PDSS2: variants seen among roughly 807,000 people sequenced by gnomAD.
The protein encoded by PDSS2 is all trans-polyprenyl-diphosphate synthase PDSS2.
A neutral mutation model predicts 44.5 loss-of-function variants in PDSS2; 31 were observed. That is an observed-to-expected ratio of 0.70 (90% CI 0.52 to 0.94). PDSS2 has a LOEUF of 0.94. Ranked by LOEUF, PDSS2 falls within the 40% of genes least tolerant of loss-of-function variation. The pLI is 0.00. For missense variants in PDSS2, 452 were observed against 482.2 expected (o/e 0.94, Z 0.59); for synonymous variants, 157 against 180.3 (o/e 0.87, Z 1.03).
intron 2 of PDSS2, among the ~76,000 whole-genome samples, chr6:107,329,414 AC>A (rs972381339): frequency 2.6e-5 from 4 of 151,272 alleles, no homozygotes; most frequent in African/African-American, 9.7e-5. Flanking sequence ...TTTCCTTTCC[AC>A]CTCATCTTCA....
chr6:107,423,535 C>T (rs1333496586), intron 1 of PDSS2, among the ~76,000 whole-genome samples: 1 of 144,366 alleles, frequency 6.9e-6, no homozygotes, highest in Non-Finnish European at 1.5e-5. Context: ...GCTTCTTTGT[C>T]TGTTATTTCC....
rs567590636 is a variant in PDSS2 at position 107,173,466 on chromosome 6, C to T, written c.1042-18689G>A. Reference sequence around the variant, plus strand: ...GTGCACACCTGTAGTCCCAGCTACTCGGGAGGCTGAGGCAGGAGAATTGCT... The same window carrying T: ...GTGCACACCTGTAGTCCCAGCTACTTGGGAGGCTGAGGCAGGAGAATTGCT... On this transcript the variant is annotated intron_variant, in intron 7 of 7. Coordinates refer to ENST00000369037, the MANE Select transcript of PDSS2 (RefSeq NM_020381.4). Among the ~76,000 whole-genome samples the T allele has an allele frequency of 9.3e-4, 131 of 141,122 alleles. No homozygotes were observed. The South Asian group carries it at 0.014, about 16-fold the overall frequency. 92.6% of individuals were successfully genotyped at this position (141,122 alleles called of 152,430 possible).
At chr6:107,443,529 T>C (rs1781572472) in intron 1 of PDSS2, among the ~76,000 whole-genome samples, 1 of 152,214 alleles carries the variant, frequency 6.6e-6, no homozygotes, top group African/African-American at 2.4e-5. Flanking sequence ...AAAAAATGTA[T>C]AGTTGGTTCA....
chr6:107,425,727 C>T (rs184462955), intron 1 of PDSS2, among the ~76,000 whole-genome samples: 132 of 152,124 alleles, frequency 8.7e-4, no homozygotes, highest in African/African-American at 2.9e-3. Context: ...TTTGGGAGGC[C>T]GAGGTGGGTG....
At chr6:107,271,857 C>G (rs896366615) in intron 3 of PDSS2, among the ~76,000 whole-genome samples, 6 of 151,958 alleles carry the variant, frequency 3.9e-5, no homozygotes, top group Non-Finnish European at 5.9e-5. Context: ...GAGTTCAAGA[C>G]CAGCCTGGGC....
At chr6:107,350,292 A>G (rs148212674) in intron 1 of PDSS2, among the ~76,000 whole-genome samples, 1 of 152,340 alleles carries the variant, frequency 6.6e-6, no homozygotes, top group Non-Finnish European at 1.5e-5. Context: ...AACTATATAA[A>G]TATCTCATTC....
At chr6:107,453,071 T>C (rs188376010) in intron 1 of PDSS2, among the ~76,000 whole-genome samples, 178 of 151,980 alleles carry the variant, frequency 1.2e-3, no homozygotes, top group African/African-American at 4.0e-3. Flanking sequence ...TGTTATCCTA[T>C]GTTTTCTTTT....
At chr6:107,378,127 A>T (rs1016955919) in intron 1 of PDSS2, among the ~76,000 whole-genome samples, 2 of 151,260 alleles carry the variant, frequency 1.3e-5, no homozygotes, top group African/African-American at 4.9e-5. Flanking sequence ...AAAAGAAGGA[A>T]GCTTCCTCAA....
Position 107,294,759 on chromosome 6 carries a change from T to A in PDSS2, c.432-20532A>T, listed in dbSNP as rs145836088. On this transcript the variant is annotated intron_variant, in intron 2 of 7. Coordinates refer to ENST00000369037, the MANE Select transcript of PDSS2 (RefSeq NM_020381.4). The stretch of plus-strand genomic sequence containing the variant: ...ATATTAACTGATTTGCCCAGGGCCT[T>A]ATGACTAATAAGCAATGGGGCTAGA... 8.5e-5 allele frequency among the ~76,000 whole-genome samples: 13 copies of A among 152,322 alleles called. No individual in the cohort carries two copies. The East Asian group carries it at 1.3e-3, about 16-fold the overall frequency.
At chr6:107,270,765 C>A (rs973172582) in intron 3 of PDSS2, among the ~76,000 whole-genome samples, 4 of 152,152 alleles carry the variant, frequency 2.6e-5, no homozygotes, top group Non-Finnish European at 4.4e-5. Context: ...AATTTCCAAT[C>A]TCACTCACAA....
intron 2 of PDSS2, among the ~76,000 whole-genome samples, chr6:107,326,886 A>G (rs192865056): frequency 3.9e-5 from 6 of 152,262 alleles, no homozygotes; most frequent in African/African-American, 1.4e-4. Context: ...TACAGATAGA[A>G]TTGGTATGCT....
At chr6:107,269,693 AC>A (rs1393449652) in intron 3 of PDSS2, among the ~76,000 whole-genome samples, 6 of 151,984 alleles carry the variant, frequency 3.9e-5, no homozygotes, top group Admixed American at 3.3e-4. Flanking sequence ...ACAGAGTTTC[AC>A]CCTGTCACCC....
chr6:107,218,532 C>G (rs1359327049), intron 4 of PDSS2, among the ~76,000 whole-genome samples: 4 of 152,194 alleles, frequency 2.6e-5, no homozygotes, highest in African/African-American at 9.6e-5. Flanking sequence ...TATTACTGGA[C>G]CACTCATATA....
At position 107,459,318 on chromosome 6, in the gene PDSS2, G is replaced by T; in HGVS notation, c.-33C>A. The stretch of plus-strand genomic sequence containing the variant: ...GTCTGGAAGGGTCTGGGACCTGGGG[G>T]TATCCAGAAGTGCCGCGGGAAACAA... On this transcript the variant is annotated 5_prime_UTR_variant, in exon 1 of 8. Coordinates refer to ENST00000369037, the MANE Select transcript of PDSS2 (RefSeq NM_020381.4). This position sits in a 1 kb window ranked among gnomAD's most constrained non-coding sequence, Gnocchi z 4.3. 2 of 1,593,392 alleles carry T rather than the reference G, an allele frequency of 1.3e-6. No individual in the cohort carries two copies. The highest frequency in any genetic ancestry group is 1.1e-5 in the South Asian group (1 of 90,664).
intron 7 of PDSS2, among the ~76,000 whole-genome samples, chr6:107,157,862 G>A (rs1368816244): frequency 4.6e-5 from 7 of 151,848 alleles, no homozygotes; most frequent in Admixed American, 3.3e-4. Context: ...TAGTAGAGAC[G>A]GGGTTTCACC....
intron 2 of PDSS2, among the ~76,000 whole-genome samples, chr6:107,275,575 C>T (rs149755861): frequency 3.8e-3 from 584 of 152,112 alleles, no homozygotes; most frequent in Non-Finnish European, 6.8e-3. Context: ...ACAGGCGTTG[C>T]ATGACCCCAA....
chr6:107,186,482 T>C (rs926421527), intron 7 of PDSS2, among the ~76,000 whole-genome samples: 9 of 151,946 alleles, frequency 5.9e-5, no homozygotes, highest in African/African-American at 2.2e-4. Flanking sequence ...TATAGTTTTT[T>C]TTTTACTCTT....
At chr6:107,391,964 C>T (rs1200526130) in intron 1 of PDSS2, among the ~76,000 whole-genome samples, 1 of 152,010 alleles carries the variant, frequency 6.6e-6, no homozygotes, top group Non-Finnish European at 1.5e-5. Context: ...ACAATCTAGA[C>T]ATCTCTCTTT....
chr6:107,352,717 C>A (rs933493310), intron 1 of PDSS2, among the ~76,000 whole-genome samples: 4 of 152,154 alleles, frequency 2.6e-5, no homozygotes, highest in African/African-American at 9.7e-5. Flanking sequence ...GGTGATTTTA[C>A]CTTTCTCCTT....
Sources: allele counts gnomAD v4.1 joint callset (sites outside exome capture counted in the v4.1 genomes callset), GRCh38; gene constraint gnomAD v4.1.1; non-coding constraint Gnocchi (gnomAD v3.1); transcripts MANE v1.5; gene names NCBI Gene and HGNC (gene_info 2026-07-23, HGNC 2026-07-21).